EPHA5: variants seen among roughly 807,000 people sequenced by gnomAD.
EPHA5 encodes the protein ephrin type-A receptor 5.
In EPHA5, 60 loss-of-function variants were observed where a neutral mutation model predicts 105.0. The observed-to-expected ratio is 0.57, with a 90% confidence interval of 0.46 to 0.71. EPHA5 has a LOEUF of 0.71. Ranked by LOEUF, EPHA5 falls within the 30% of genes least tolerant of loss-of-function variation. The pLI is 0.00. For missense variants in EPHA5, 1,218 were observed against 1,274.7 expected, an observed-to-expected ratio of 0.96 and a Z score of 0.68; for synonymous variants, 513 against 449.1, an observed-to-expected ratio of 1.14 and a Z score of -1.80.
intron 3 of EPHA5, chr4:65,574,001 C>G: frequency 1.9e-6 from 3 of 1,596,712 alleles, no homozygotes; most frequent in Non-Finnish European, 2.6e-6. Context: ...GACCTCTGGT[C>G]CTCAATCGAG....
At chr4:65,594,514 T>TA (rs1485205526) in intron 3 of EPHA5, among the ~76,000 whole-genome samples, 3 of 152,212 alleles carry the variant, frequency 2.0e-5, no homozygotes, top group African/African-American at 7.2e-5. Context: ...ATTTGCCTGT[T>TA]ACATTTATTC....
In EPHA5 at chr4:65,643,322, G is replaced by T. The variant is rs140040146; in HGVS notation, c.246+41C>A. The stretch of plus-strand genomic sequence containing the variant: ...GTGTTACAAGTATCAAGATGCTTAC[G>T]CACATAGCTTAAGTTTTAGAAAAAC... On this transcript the variant is annotated intron_variant, in intron 2 of 16. Transcript: ENST00000613740. 1.9e-3 allele frequency: 2,804 copies of T among 1,449,372 alleles called. 48 individuals are homozygous for T. In the African/African-American group the frequency reaches 0.034, roughly 17 times the overall value. 89.8% of individuals were successfully genotyped at this position (1,449,372 alleles called of 1,614,324 possible).
intron 1 of EPHA5, among the ~76,000 whole-genome samples, chr4:65,659,516 C>T (rs1047920471): frequency 3.3e-5 from 5 of 151,596 alleles, no homozygotes; most frequent in Admixed American, 2.6e-4. Flanking sequence ...GCTGATCAAG[C>T]GTTTAATGAG....
At chr4:65,376,603 C>A (rs1338413805) in intron 8 of EPHA5, among the ~76,000 whole-genome samples, 1 of 151,918 alleles carries the variant, frequency 6.6e-6, no homozygotes, top group Non-Finnish European at 1.5e-5. Context: ...ATATTGTGGT[C>A]ATTCCATGGT....
chr4:65,468,243 C>G (rs565242119), intron 5 of EPHA5, among the ~76,000 whole-genome samples: 1 of 151,892 alleles, frequency 6.6e-6, no homozygotes, highest in East Asian at 1.9e-4. Flanking sequence ...TATATAGACA[C>G]ATGAGCAAAA....
chr4:65,433,184 A>G (rs1040365039), intron 5 of EPHA5, among the ~76,000 whole-genome samples: 3 of 152,234 alleles, frequency 2.0e-5, no homozygotes, highest in African/African-American at 7.2e-5. Flanking sequence ...TTTGTTTTTG[A>G]CATAGTTCTG....
chr4:65,639,626 T>A (rs1747462172), intron 2 of EPHA5, among the ~76,000 whole-genome samples: 2 of 152,196 alleles, frequency 1.3e-5, no homozygotes, highest in South Asian at 2.1e-4. Flanking sequence ...CATTAATGTT[T>A]CCTCATCAAA....
chr4:65,537,200 T>G (rs1198081635), intron 3 of EPHA5, among the ~76,000 whole-genome samples: 1 of 151,818 alleles, frequency 6.6e-6, no homozygotes, highest in South Asian at 2.1e-4. Flanking sequence ...TATTTTCCAA[T>G]AGATTCTTTG....
chr4:65,500,439 GT>G (rs1732369224), intron 3 of EPHA5, among the ~76,000 whole-genome samples: 1 of 150,744 alleles, frequency 6.6e-6, no homozygotes, highest in African/African-American at 2.4e-5. Flanking sequence ...AAGAATACAT[GT>G]TGTTTCCCCA....
chr4:65,403,265 G>A (rs1292562784), intron 8 of EPHA5, among the ~76,000 whole-genome samples: 1 of 152,140 alleles, frequency 6.6e-6, no homozygotes, highest in African/African-American at 2.4e-5. Flanking sequence ...GCAGTACATT[G>A]AAAAGTGCCC....
chr4:65,433,099 T>C (rs77756930), intron 5 of EPHA5, among the ~76,000 whole-genome samples: 4,020 of 152,276 alleles, frequency 0.026, 64 homozygotes, highest in Admixed American at 0.061. Context: ...TTATTAAGTA[T>C]GCAAACCAGA....
At chr4:65,454,242 T>G (rs1727350931) in intron 5 of EPHA5, among the ~76,000 whole-genome samples, 2 of 152,030 alleles carry the variant, frequency 1.3e-5, no homozygotes, top group African/African-American at 2.4e-5. Flanking sequence ...TTCGTGCCAT[T>G]GCACTCCAGC....
chr4:65,337,072 T>G (rs1177663347), intron 14 of EPHA5, among the ~76,000 whole-genome samples: 1 of 152,094 alleles, frequency 6.6e-6, no homozygotes, highest in East Asian at 1.9e-4. Context: ...AAGATAATTT[T>G]AATTTTTTTT....
chr4:65,626,407 T>C (rs540761838), intron 2 of EPHA5, among the ~76,000 whole-genome samples: 27 of 152,350 alleles, frequency 1.8e-4, no homozygotes, highest in African/African-American at 6.0e-4. Context: ...GCTATTTTCA[T>C]TATTGTGATC....
chr4:65,550,783 CCAACAGCATGCCACTGCACT>C (rs1299946343), intron 3 of EPHA5, among the ~76,000 whole-genome samples: 1 of 152,036 alleles, frequency 6.6e-6, no homozygotes, highest in Non-Finnish European at 1.5e-5. Flanking sequence ...TTGCAGTGAG[CCAACAGCATGCCACTGCACT>C]CCAGCCTGGG....
chr4:65,324,089 T>C lies in EPHA5; in HGVS notation c.*25A>G, dbSNP rs1719849644. On this transcript the variant is annotated 3_prime_UTR_variant, in exon 17 of 17. Transcript: ENST00000613740. ...GTTTACAAAGTGCAGAATCATTCAC[T>C]TGAAGAAGCGACATTTACATGAAGT... 1.3e-6 allele frequency: 2 copies of C among 1,507,788 alleles called. No individual in the cohort carries two copies. The highest frequency in any genetic ancestry group is 1.4e-5 in the African/African-American group (1 of 72,440). 93.4% of individuals were successfully genotyped at this position (1,507,788 alleles called of 1,614,324 possible).
Position 65,321,573 on chromosome 4 carries a change from T to C in EPHA5, c.*2541A>G, listed in dbSNP as rs955415179. The C allele has an allele frequency of 4.4e-6, 1 of 229,128 alleles. No individual in the cohort carries two copies. Among genetic ancestry groups the C allele is most frequent in the African/African-American group, 2.2e-5 (1 of 45,076 alleles). 14.2% of individuals were successfully genotyped at this position (229,128 alleles called of 1,614,324 possible). A position where few individuals can be genotyped will look rare whatever the true frequency, so the allele number is the denominator to read the frequency against. ...CCTTCCTTAGAAATTCTCAACCAAA[T>C]TGAGATGCAAAAGAAAACTATGTGG... On this transcript the variant is annotated 3_prime_UTR_variant, in exon 17 of 17. Transcript: ENST00000613740.
intron 5 of EPHA5, among the ~76,000 whole-genome samples, chr4:65,428,038 A>G (rs1369967837): frequency 6.6e-6 from 1 of 152,116 alleles, no homozygotes; most frequent in Non-Finnish European, 1.5e-5. Flanking sequence ...ATAGACATAC[A>G]TACATCTCTA....
chr4:65,482,578 T>C (rs1176010605), intron 5 of EPHA5, among the ~76,000 whole-genome samples: 1 of 152,056 alleles, frequency 6.6e-6, no homozygotes, highest in African/African-American at 2.4e-5. Flanking sequence ...AACACAGTAC[T>C]CTAGCATGCA....
Sources: gnomAD v4.1 joint callset for allele counts (sites outside exome capture counted in the v4.1 genomes callset) on GRCh38, gnomAD v4.1.1 for gene constraint, MANE v1.5 for transcripts, NCBI Gene and HGNC (gene_info 2026-07-23, HGNC 2026-07-21) for gene names.